Variants in SATL1 observed in about 807,000 individuals in gnomAD.
SATL1 encodes spermidine/spermine N(1)-acetyltransferase-like protein 1.
SATL1 carries 47 observed loss-of-function variants against 51.8 expected under a neutral mutation model. The ratio of observed to expected loss-of-function variants is 0.91; its 90% confidence interval spans 0.72 to 1.16. The LOEUF is 1.16. SATL1 is among the 50% of genes most tolerant of loss of function. SATL1 has a pLI of 0.00. For synonymous variants in SATL1, 176 were observed against 182.4 expected, an observed-to-expected ratio of 0.97 and a Z score of 0.28; for missense variants, 520 against 526.4, an observed-to-expected ratio of 0.99 and a Z score of 0.12.
intron 6 of SATL1, among the ~76,000 whole-genome samples, chrX:85,093,509 AC>A (rs754863193): frequency 5.4e-5 from 6 of 111,908 alleles, no homozygotes; most frequent in African/African-American, 1.9e-4. Context: ...TTTACTGAAA[AC>A]CACCTAAAAT....
chrX:85,239,543 C>G (rs1928544772), intron 1 of SATL1, among the ~76,000 whole-genome samples: 1 of 111,567 alleles, frequency 9.0e-6, no homozygotes, highest in Non-Finnish European at 1.9e-5. Context: ...GACACAAGAA[C>G]TAGAATAGCT....
chrX:85,203,360 G>A (rs189461449), intron 2 of SATL1, among the ~76,000 whole-genome samples: 215 of 109,420 alleles, frequency 2.0e-3, no homozygotes, highest in South Asian at 0.011. Flanking sequence ...GCTGTGCTAG[G>A]GGTCCACTTC....
chrX:85,168,014 A>T (rs1926882452), intron 2 of SATL1, among the ~76,000 whole-genome samples: 1 of 105,730 alleles, frequency 9.5e-6, no homozygotes, highest in South Asian at 4.4e-4. Flanking sequence ...CTTAAATAGA[A>T]CTAAGAACAA....
At chrX:85,222,574 A>G (rs746697974) in intron 2 of SATL1, among the ~76,000 whole-genome samples, 98 of 111,447 alleles carry the variant, frequency 8.8e-4, no homozygotes, top group Non-Finnish European at 1.6e-3. Flanking sequence ...AATCCTGTCT[A>G]CTCTGATGTA....
intron 2 of SATL1, among the ~76,000 whole-genome samples, chrX:85,218,875 C>T (rs1928111684): frequency 9.0e-6 from 1 of 111,667 alleles, no homozygotes; most frequent in Non-Finnish European, 1.9e-5. Flanking sequence ...TTGAAAGCAG[C>T]CAGGAATTAT....
chrX:85,103,552 C>T (rs189021344), intron 4 of SATL1, among the ~76,000 whole-genome samples: 1 of 111,607 alleles, frequency 9.0e-6, no homozygotes, highest in African/African-American at 3.2e-5. Context: ...TATCAATTTC[C>T]TTGTATCAAG....
chrX:85,112,694 G>A (rs973721906), intron 2 of SATL1, among the ~76,000 whole-genome samples: 1 of 111,612 alleles, frequency 9.0e-6, no homozygotes, highest in African/African-American at 3.3e-5. Flanking sequence ...CTTTTAATGC[G>A]CATGCTTGAG....
rs757593157 is a variant in SATL1, at chrX:85,157,576, C to T, written c.-312-48296G>A. ...CTCCCTAGTTACTTCTGTCACCCACCTATTTTTCAAATCTCCGAGTTGACA... is the reference window on the plus strand; with the variant it reads ...CTCCCTAGTTACTTCTGTCACCCACTTATTTTTCAAATCTCCGAGTTGACA... On this transcript the variant is annotated intron_variant, in intron 2 of 7. Transcript: ENST00000644105. Among the ~76,000 whole-genome samples, 3 of 111,216 alleles carry T rather than the reference C, an allele frequency of 2.7e-5. No individual in the cohort carries two copies. In the East Asian group the frequency reaches 8.5e-4, roughly 32 times the overall value.
chrX:85,148,244 T>C, intron 2 of SATL1, among the ~76,000 whole-genome samples: 1 of 110,565 alleles, frequency 9.0e-6, no homozygotes, highest in Non-Finnish European at 1.9e-5. Context: ...ATGAAATGAA[T>C]GAAAGGAAGC....
At chrX:85,137,797 T>C (rs184913343) in intron 2 of SATL1, among the ~76,000 whole-genome samples, 1 of 111,569 alleles carries the variant, frequency 9.0e-6, no homozygotes, top group African/African-American at 3.2e-5. Flanking sequence ...TATGCATATG[T>C]CATAGCTTTT....
intron 2 of SATL1, among the ~76,000 whole-genome samples, chrX:85,163,325 G>C (rs147598951): frequency 0.015 from 1,622 of 110,298 alleles, 34 homozygotes; most frequent in African/African-American, 0.052. Context: ...ATTTATTCTT[G>C]TTTCCCTAAT....
intron 1 of SATL1, among the ~76,000 whole-genome samples, chrX:85,226,601 A>T (rs750189043): frequency 9.0e-6 from 1 of 111,034 alleles, no homozygotes; most frequent in South Asian, 3.9e-4. Flanking sequence ...ATTGAGTTAT[A>T]CTACTCATTA....
At chrX:85,225,077 G>T (rs1016799110) in intron 1 of SATL1, among the ~76,000 whole-genome samples, 2 of 111,746 alleles carry the variant, frequency 1.8e-5, no homozygotes, top group Admixed American at 1.9e-4. Flanking sequence ...CTAAATTTTA[G>T]ACAAAGAGGA....
At chrX:85,153,096 A>G (rs909807961) in intron 2 of SATL1, among the ~76,000 whole-genome samples, 3 of 111,200 alleles carry the variant, frequency 2.7e-5, no homozygotes, top group Non-Finnish European at 5.7e-5. Context: ...CAGGGTCTCA[A>G]GGTTTTATAA....
intron 2 of SATL1, chrX:85,209,282 T>C (rs1343610062): frequency 1.8e-5 from 2 of 111,956 alleles, no homozygotes; most frequent in Admixed American, 1.9e-4. Context: ...ACTGAAGCCT[T>C]GTAGTATAGC....
At chrX:85,131,392 C>T (rs1602855279) in intron 2 of SATL1, among the ~76,000 whole-genome samples, 1 of 111,319 alleles carries the variant, frequency 9.0e-6, no homozygotes, top group South Asian at 3.8e-4. Context: ...ATCCCTTTAC[C>T]ATTATGTAAT....
chrX:85,152,191 A>T (rs1926461853), intron 2 of SATL1, among the ~76,000 whole-genome samples: 2 of 112,409 alleles, frequency 1.8e-5, no homozygotes, highest in South Asian at 3.7e-4. Context: ...GAAGACATTT[A>T]TGCAGCCAAA....
chrX:85,188,938 A>ATG (rs774745989), intron 2 of SATL1, among the ~76,000 whole-genome samples: 1 of 111,986 alleles, frequency 8.9e-6, no homozygotes, highest in South Asian at 3.7e-4. Flanking sequence ...CTACATTGAT[A>ATG]TGTGGCTGCC....
At chrX:85,094,515 G>A (rs767280879) in intron 5 of SATL1, among the ~76,000 whole-genome samples, 3 of 111,546 alleles carry the variant, frequency 2.7e-5, no homozygotes, top group African/African-American at 9.8e-5. Context: ...AGGCCAAGGC[G>A]GGAGGGTCGC....
Sources: allele counts gnomAD v4.1 joint callset (sites outside exome capture counted in the v4.1 genomes callset), GRCh38; gene constraint gnomAD v4.1.1; transcripts MANE v1.5; gene names NCBI Gene and HGNC (gene_info 2026-07-23, HGNC 2026-07-21).